LRFN2: variants seen among roughly 807,000 people sequenced by gnomAD.
LRFN2 encodes leucine rich repeat and fibronectin type III domain containing 2, also known as leucine-rich repeat and fibronectin type-III domain-containing protein 2.
In LRFN2, 18 loss-of-function variants were observed where a neutral mutation model predicts 37.3. That is an observed-to-expected ratio of 0.48 (90% CI 0.33 to 0.72). LRFN2 has a LOEUF of 0.72. Among genes scored for constraint, LRFN2 ranks in the 30% least tolerant of loss-of-function variants. The pLI, the probability that LRFN2 is intolerant of heterozygous loss-of-function variation, is 0.02. For synonymous variants in LRFN2, 556 were observed against 466.6 expected (o/e 1.19, Z -2.47); for missense variants, 1,006 against 1,060.7 (o/e 0.95, Z 0.72).
chr6:40,539,599 A>G (rs945275599), intron 1 of LRFN2, among the ~76,000 whole-genome samples: 1 of 152,188 alleles, frequency 6.6e-6, no homozygotes, highest in Non-Finnish European at 1.5e-5. Flanking sequence ...ACTGTCATTC[A>G]AGTTTCAAGG....
intron 2 of LRFN2, among the ~76,000 whole-genome samples, chr6:40,403,407 T>C (rs776028635): frequency 7.2e-5 from 11 of 152,148 alleles, no homozygotes; most frequent in Non-Finnish European, 1.5e-4. Context: ...GATCTTCCAG[T>C]TGGGGCCAGG....
intron 1 of LRFN2, among the ~76,000 whole-genome samples, chr6:40,543,560 T>C (rs1199479811): frequency 6.6e-6 from 1 of 152,226 alleles, no homozygotes; most frequent in Non-Finnish European, 1.5e-5. Flanking sequence ...CTGTGATTTT[T>C]CACCATGTTT....
intron 1 of LRFN2, among the ~76,000 whole-genome samples, chr6:40,487,301 G>A (rs1375208347): frequency 1.3e-5 from 2 of 152,086 alleles, no homozygotes; most frequent in African/African-American, 4.8e-5. Flanking sequence ...GATCATTTAT[G>A]CCAATGAGCC....
intron 1 of LRFN2, among the ~76,000 whole-genome samples, chr6:40,521,567 T>C (rs1766069348): frequency 6.6e-6 from 1 of 152,250 alleles, no homozygotes; most frequent in South Asian, 2.1e-4. Context: ...CAGTCGGATT[T>C]TATACATATA....
At chr6:40,407,157 C>T (rs1196229593) in intron 2 of LRFN2, among the ~76,000 whole-genome samples, 1 of 152,170 alleles carries the variant, frequency 6.6e-6, no homozygotes, top group African/African-American at 2.4e-5. Context: ...GCTCTTGAGC[C>T]CATGTAAGGC....
At chr6:40,544,541 C>A (rs1766619754) in intron 1 of LRFN2, among the ~76,000 whole-genome samples, 1 of 152,174 alleles carries the variant, frequency 6.6e-6, no homozygotes. Flanking sequence ...CTCTGTGAGG[C>A]TATACCTCCC....
intron 2 of LRFN2, among the ~76,000 whole-genome samples, chr6:40,431,138 C>A (rs1763469002): frequency 6.6e-6 from 1 of 151,830 alleles, no homozygotes; most frequent in Non-Finnish European, 1.5e-5. Flanking sequence ...ATTCAGTTAC[C>A]AAAACTGAAT....
At chr6:40,429,793 T>C (rs1252214765) in intron 2 of LRFN2, among the ~76,000 whole-genome samples, 1 of 152,192 alleles carries the variant, frequency 6.6e-6, no homozygotes, top group African/African-American at 2.4e-5. Context: ...ACCTGAATGT[T>C]CCATAATAGG....
Position 40,534,702 on chromosome 6 carries a change from G to A in LRFN2, c.-19+52239C>T, listed in dbSNP as rs531098907. On this transcript the variant is annotated intron_variant, in intron 1 of 2. Transcript: ENST00000338305. ...AGGTATTGCTATTATTATTGTTGGC[G>A]CTCATTCCTCACCTTCCTTCTAGGG... 2.0e-4 allele frequency among the ~76,000 whole-genome samples: 30 copies of A among 152,224 alleles called. No homozygotes were observed. In the South Asian group the frequency reaches 6.0e-3, roughly 31 times the overall value.
intron 1 of LRFN2, among the ~76,000 whole-genome samples, chr6:40,482,775 A>T (rs1764864389): frequency 6.6e-6 from 1 of 152,058 alleles, no homozygotes; most frequent in Admixed American, 6.5e-5. Context: ...CCTCCTGGCC[A>T]GGCCAGCTTT....
chr6:40,500,218 C>T (rs1765342226), intron 1 of LRFN2, among the ~76,000 whole-genome samples: 1 of 152,260 alleles, frequency 6.6e-6, no homozygotes, highest in Non-Finnish European at 1.5e-5. Context: ...GCCTGCCCCT[C>T]AGAGACTCCT....
intron 2 of LRFN2, among the ~76,000 whole-genome samples, chr6:40,430,823 T>C (rs528845602): frequency 6.6e-6 from 1 of 152,124 alleles, no homozygotes; most frequent in Non-Finnish European, 1.5e-5. Context: ...GGGGCTCACA[T>C]GATGTGGTCT....
intron 1 of LRFN2, among the ~76,000 whole-genome samples, chr6:40,518,419 C>A (rs1581771069): frequency 6.6e-6 from 1 of 152,104 alleles, no homozygotes; most frequent in Non-Finnish European, 1.5e-5. Flanking sequence ...CAAGCTCACC[C>A]GGCTTAGTGA....
intron 1 of LRFN2, among the ~76,000 whole-genome samples, chr6:40,474,568 C>T (rs1189505764): frequency 1.3e-5 from 2 of 152,192 alleles, no homozygotes; most frequent in African/African-American, 4.8e-5. Context: ...GGGCTCACTG[C>T]AACCTCTGCC....
At chr6:40,442,853 C>T (rs1010288614) in intron 1 of LRFN2, among the ~76,000 whole-genome samples, 2 of 152,134 alleles carry the variant, frequency 1.3e-5, no homozygotes, top group African/African-American at 4.8e-5. Flanking sequence ...AGCTGGGCCT[C>T]AGCAGGGGCT....
At chr6:40,447,189 TTAGTTTTCCAAGAAAAG>T (rs1022204279) in intron 1 of LRFN2, among the ~76,000 whole-genome samples, 4 of 152,232 alleles carry the variant, frequency 2.6e-5, no homozygotes, top group Admixed American at 2.6e-4. Flanking sequence ...CATTATCCTA[TTAGTTTTCCAAGAAAAG>T]TATTTCTACT....
chr6:40,445,330 C>A (rs1177468682), intron 1 of LRFN2, among the ~76,000 whole-genome samples: 1 of 152,150 alleles, frequency 6.6e-6, no homozygotes, highest in Non-Finnish European at 1.5e-5. Context: ...TAACTTATGA[C>A]AAAAGGCAGA....
chr6:40,517,005 G>A (rs1212211997), intron 1 of LRFN2, among the ~76,000 whole-genome samples: 1 of 152,156 alleles, frequency 6.6e-6, no homozygotes, highest in Non-Finnish European at 1.5e-5. Flanking sequence ...GAATGAAGCA[G>A]AAACAGTCCC....
At chr6:40,540,082 G>C (rs1766524385) in intron 1 of LRFN2, among the ~76,000 whole-genome samples, 1 of 152,190 alleles carries the variant, frequency 6.6e-6, no homozygotes, top group Admixed American at 6.5e-5. Flanking sequence ...CAGTAGTTGA[G>C]AGAACACATG....
Sources: gnomAD v4.1 joint callset for allele counts (sites outside exome capture counted in the v4.1 genomes callset) on GRCh38, gnomAD v4.1.1 for gene constraint, MANE v1.5 for transcripts, NCBI Gene and HGNC (gene_info 2026-07-23, HGNC 2026-07-21) for gene names.